WFDC2: variants seen among roughly 807,000 people sequenced by gnomAD.
WFDC2 encodes the protein WAP four-disulfide core domain 2.
WFDC2 carries 8 observed loss-of-function variants against 12.5 expected under a neutral mutation model. The ratio of observed to expected loss-of-function variants is 0.64; its 90% confidence interval spans 0.37 to 1.15. The LOEUF is 1.15. WFDC2 is among the 50% of genes most tolerant of loss of function. The pLI is 0.01. For missense variants in WFDC2, 166 were observed against 159.9 expected (o/e 1.04, Z -0.21); for synonymous variants, 74 against 67.2 (o/e 1.10, Z -0.49).
chr20:45,470,502 G>A lies in WFDC2; in HGVS notation c.193G>A (p.Gly65Ser). 6.3e-7 allele frequency: 1 copy of A among 1,599,832 alleles called. No individual in the cohort carries two copies. The highest frequency in any genetic ancestry group is 8.5e-7 in the Non-Finnish European group (1 of 1,172,970). Residue 65 changes from glycine (G) to serine (S), a missense_variant, in exon 2 of 4, where the codon GGC becomes AGC. Transcript: ENST00000372676. This position sits in a 1 kb window ranked among gnomAD's most constrained non-coding sequence, Gnocchi z 5.4. ...CGACAACCTCAAGTGCTGCAGCGCG[G>A]GCTGTGCCACCTTCTGCTCTCTGCC... The part of the protein sequence containing the change: ...CADNLKCCSA[G>S]CATFCSLPND...
rs1297599388 is a variant in WFDC2 at position 45,470,804 on chromosome 20, A to T, written c.223+272A>T. On this transcript the variant is annotated intron_variant, in intron 2 of 3. Transcript: ENST00000372676. The surrounding 1 kb of genome is among the most constrained non-coding windows in gnomAD (Gnocchi z 5.4). ...GGGCTTCCGGGCACGCACAGCCGGGACATTGTTCCCCGCGGCCTGGGGACC... is the reference window on the plus strand; with the variant it reads ...GGGCTTCCGGGCACGCACAGCCGGGTCATTGTTCCCCGCGGCCTGGGGACC... Among the ~76,000 whole-genome samples, 3 of 152,068 alleles carry T rather than the reference A, an allele frequency of 2.0e-5. No homozygotes were observed. The highest frequency in any genetic ancestry group is 1.5e-5 in the Non-Finnish European group (1 of 67,982).
chr20:45,471,334 A>C (rs1991169834), intron 2 of WFDC2: 2 of 355,094 alleles, frequency 5.6e-6, no homozygotes, highest in South Asian at 4.2e-5. Context: ...GGGGTGGCTT[A>C]AACAGCATGG....
intron 3 of WFDC2, among the ~76,000 whole-genome samples, chr20:45,481,151 CAGT>C (rs1991296677): frequency 6.6e-6 from 1 of 151,870 alleles, no homozygotes; most frequent in Non-Finnish European, 1.5e-5. Context: ...GGTCTGACCA[CAGT>C]ATACCCAGGT....
chr20:45,478,938 A>T (rs903929041), intron 2 of WFDC2, among the ~76,000 whole-genome samples: 9 of 152,214 alleles, frequency 5.9e-5, no homozygotes, highest in Non-Finnish European at 1.3e-4. Context: ...CTCTACAGCT[A>T]ATCACCCAGT....
intron 2 of WFDC2, among the ~76,000 whole-genome samples, chr20:45,477,560 G>T (rs2145505638): frequency 6.6e-6 from 1 of 152,328 alleles, no homozygotes; most frequent in South Asian, 2.1e-4. Flanking sequence ...TGTCCCAGAG[G>T]GGCACCCGCC....
At chr20:45,471,983 A>T (rs1991178318) in intron 2 of WFDC2, among the ~76,000 whole-genome samples, 1 of 152,234 alleles carries the variant, frequency 6.6e-6, no homozygotes, top group Non-Finnish European at 1.5e-5. Context: ...AAGATACTCC[A>T]TACACAGTGG....
chr20:45,480,866 A>G (rs1991293767), intron 3 of WFDC2, among the ~76,000 whole-genome samples: 1 of 152,242 alleles, frequency 6.6e-6, no homozygotes, highest in East Asian at 1.9e-4. Context: ...TGCCAACTGC[A>G]TGGATAGGCT....
rs377272016 is a variant in WFDC2 at position 45,479,975 on chromosome 20, A to C, written c.257A>C (p.Asn86Thr). Residue 86 changes from asparagine (N) to threonine (T), a missense_variant, in exon 3 of 4, where the codon AAC becomes ACC. Transcript: ENST00000372676. ...KEGSCPQVNI[N>T]FPQLGLCRDQ... ...GGTTCCTGCCCCCAGGTGAACATTA[A>C]CTTTCCCCAGCTCGGCCTCTGTCGG... 2 of 1,614,160 alleles carry C rather than the reference A, an allele frequency of 1.2e-6. No individual in the cohort carries two copies. Among genetic ancestry groups the C allele is most frequent in the African/African-American group, 1.3e-5 (1 of 75,018 alleles).
chr20:45,480,628 C>T (rs1191274662), intron 3 of WFDC2, among the ~76,000 whole-genome samples: 1 of 151,944 alleles, frequency 6.6e-6, no homozygotes, highest in Non-Finnish European at 1.5e-5. Flanking sequence ...AAATTAAAAA[C>T]AAACAAACAA....
chr20:45,480,412 C>T (rs1188862860), intron 3 of WFDC2, among the ~76,000 whole-genome samples: 1 of 151,092 alleles, frequency 6.6e-6, no homozygotes, highest in Admixed American at 6.6e-5. Context: ...TCAAGACCAG[C>T]CTGACCAACA....
intron 3 of WFDC2, among the ~76,000 whole-genome samples, chr20:45,480,775 G>A (rs1991292501): frequency 2.0e-5 from 3 of 152,098 alleles, no homozygotes; most frequent in Non-Finnish European, 4.4e-5. Context: ...ATCTAGAGAG[G>A]GGGTGTGCTC....
chr20:45,472,835 A>G (rs1991189624), intron 2 of WFDC2, among the ~76,000 whole-genome samples: 1 of 152,214 alleles, frequency 6.6e-6, no homozygotes, highest in Non-Finnish European at 1.5e-5. Flanking sequence ...CTATTTCTCC[A>G]CATCCTCTCC....
At chr20:45,478,854 C>T (rs1057067643) in intron 2 of WFDC2, among the ~76,000 whole-genome samples, 3 of 152,196 alleles carry the variant, frequency 2.0e-5, no homozygotes, top group African/African-American at 7.2e-5. Context: ...ATCCCACCCG[C>T]CTGAGCCTCC....
chr20:45,470,102 G>C lies in WFDC2; in HGVS notation c.79+242G>C, dbSNP rs958762102. On this transcript the variant is annotated intron_variant, in intron 1 of 3. Transcript: ENST00000372676. The surrounding 1 kb of genome is among the most constrained non-coding windows in gnomAD (Gnocchi z 5.4). The stretch of plus-strand genomic sequence containing the variant: ...GACACTCCGTGGCTGCAGTGGGCTG[G>C]GGGTGGGGGCTGCTCTGCCTCGACC... Among the ~76,000 whole-genome samples the C allele has an allele frequency of 2.6e-5, 4 of 152,162 alleles. No homozygotes were observed. Among genetic ancestry groups the C allele is most frequent in the Admixed American group, 1.3e-4 (2 of 15,294 alleles).
chr20:45,479,783 G>A (rs752000465), intron 2 of WFDC2, 159 bp from the exon 3 acceptor site: 17 of 1,613,792 alleles, frequency 1.1e-5, no homozygotes, highest in Middle Eastern at 1.7e-4. Flanking sequence ...ATCTTCCTGG[G>A]CCTCCTGAGA....
chr20:45,471,154 C>A, intron 2 of WFDC2: 1 of 471,292 alleles, frequency 2.1e-6, no homozygotes, highest in South Asian at 1.5e-5. Flanking sequence ...GCCTTTCAGG[C>A]CAACTGGCTG....
chr20:45,472,908 AT>A (rs1412721225), intron 2 of WFDC2, among the ~76,000 whole-genome samples: 2 of 152,112 alleles, frequency 1.3e-5, no homozygotes, highest in African/African-American at 2.4e-5. Context: ...ATGTTATCTC[AT>A]TGTGGTTTTG....
chr20:45,478,901 G>A (rs1040217772), intron 2 of WFDC2, among the ~76,000 whole-genome samples: 6 of 152,182 alleles, frequency 3.9e-5, no homozygotes, highest in African/African-American at 7.2e-5. Flanking sequence ...CACTGCACCC[G>A]GTGATCTGTC....
chr20:45,472,342 CCT>C (rs1568969715), intron 2 of WFDC2, among the ~76,000 whole-genome samples: 1 of 152,146 alleles, frequency 6.6e-6, no homozygotes, highest in Non-Finnish European at 1.5e-5. Flanking sequence ...TTGTTCAACT[CCT>C]ACTTATGAGT....
Sources: gnomAD v4.1 joint callset for allele counts (sites outside exome capture counted in the v4.1 genomes callset) on GRCh38, gnomAD v4.1.1 for gene constraint, Gnocchi (gnomAD v3.1) non-coding constraint, MANE v1.5 for transcripts, NCBI Gene and HGNC (gene_info 2026-07-23, HGNC 2026-07-21) for gene names.